UNC13C: variants seen among roughly 807,000 people sequenced by gnomAD.
UNC13C encodes the protein unc-13 homolog C, also known as protein unc-13 homolog C.
UNC13C carries 174 observed loss-of-function variants against 245.4 expected under a neutral mutation model. The observed-to-expected ratio is 0.71, with a 90% CI of 0.63 to 0.80. The LOEUF (loss-of-function observed/expected upper bound fraction) is 0.80, where lower values mean the gene tolerates loss of function less well. UNC13C is among the 30% of genes least tolerant of loss of function. UNC13C has a pLI of 0.00. For missense variants in UNC13C, 2,829 were observed against 2,602.9 expected (o/e 1.09, Z -1.89); for synonymous variants, 992 against 895.1 (o/e 1.11, Z -1.93).
intron 2 of UNC13C, among the ~76,000 whole-genome samples, chr15:54,118,963 A>G (rs2030473031): frequency 6.7e-6 from 1 of 150,314 alleles, no homozygotes; most frequent in South Asian, 2.1e-4. Flanking sequence ...AGTATCTTGA[A>G]CCATACTACT....
intron 10 of UNC13C, among the ~76,000 whole-genome samples, chr15:54,272,389 A>G (rs1421753057): frequency 2.0e-5 from 3 of 152,134 alleles, no homozygotes; most frequent in Admixed American, 6.5e-5. Context: ...AGCACAGCAG[A>G]CTAATATTTT....
At chr15:54,281,360 A>T (rs1281409304) in intron 10 of UNC13C, among the ~76,000 whole-genome samples, 1 of 152,218 alleles carries the variant, frequency 6.6e-6, no homozygotes, top group African/African-American at 2.4e-5. Context: ...TATTATCAAG[A>T]CACAAATGCT....
At chr15:54,598,632 A>G (rs1340945971) in intron 30 of UNC13C, among the ~76,000 whole-genome samples, 1 of 150,658 alleles carries the variant, frequency 6.6e-6, no homozygotes, top group African/African-American at 2.4e-5. Flanking sequence ...CAAGCACTGT[A>G]AAGTTTAAGT....
At chr15:54,338,971 A>C (rs1401549879) in intron 17 of UNC13C, among the ~76,000 whole-genome samples, 1 of 152,178 alleles carries the variant, frequency 6.6e-6, no homozygotes, top group Non-Finnish European at 1.5e-5. Context: ...GGTTCAAGCG[A>C]TTCTCCTGCC....
chr15:54,154,607 GT>G (rs1365429784), intron 4 of UNC13C, among the ~76,000 whole-genome samples: 1 of 152,050 alleles, frequency 6.6e-6, no homozygotes, highest in Admixed American at 6.6e-5. Flanking sequence ...CAACATTTCC[GT>G]TTTTTCCCCT....
intron 13 of UNC13C, among the ~76,000 whole-genome samples, chr15:54,308,232 G>A (rs1347783299): frequency 6.6e-6 from 1 of 151,818 alleles, no homozygotes; most frequent in African/African-American, 2.4e-5. Context: ...TTCAACAATA[G>A]CAAGTGACAT....
At chr15:54,185,396 G>T (rs557492087) in intron 4 of UNC13C, among the ~76,000 whole-genome samples, 78 of 151,058 alleles carry the variant, frequency 5.2e-4, no homozygotes, top group African/African-American at 1.9e-3. Context: ...GGGTTTTTAT[G>T]GTTTTAGGTC....
chr15:54,470,464 A>G (rs919866070), intron 19 of UNC13C, among the ~76,000 whole-genome samples: 1 of 151,446 alleles, frequency 6.6e-6, no homozygotes, highest in African/African-American at 2.4e-5. Context: ...TTTGTGATTC[A>G]GTCTTGGTAG....
At chr15:54,404,148 C>A (rs1255451923) in intron 18 of UNC13C, among the ~76,000 whole-genome samples, 1 of 152,142 alleles carries the variant, frequency 6.6e-6, no homozygotes, top group Admixed American at 6.6e-5. Context: ...CTAGCTATGA[C>A]AAAGAAATTT....
chr15:54,344,373 A>C (rs1351415174), intron 17 of UNC13C, among the ~76,000 whole-genome samples: 2 of 152,220 alleles, frequency 1.3e-5, no homozygotes, highest in African/African-American at 2.4e-5. Context: ...GTCACATCAA[A>C]ATAATCTAAT....
chr15:53,944,907 T>C, the UNC13C span, among the ~76,000 whole-genome samples: 1 of 152,186 alleles, frequency 6.6e-6, no homozygotes, highest in Non-Finnish European at 1.5e-5. Flanking sequence ...CTCCTTTCTC[T>C]GCAACTTTAC....
At chr15:54,129,829 A>G (rs2031294755) in intron 2 of UNC13C, among the ~76,000 whole-genome samples, 3 of 151,060 alleles carry the variant, frequency 2.0e-5, no homozygotes, top group Non-Finnish European at 3.0e-5. Context: ...TTCCATTACA[A>G]CTTTAAAAAA....
chr15:53,874,234 GAATTTAC>G, the UNC13C span, among the ~76,000 whole-genome samples: 1 of 152,048 alleles, frequency 6.6e-6, no homozygotes, highest in Non-Finnish European at 1.5e-5. Context: ...ATTTTACAGG[GAATTTAC>G]TCTGCTCCAG....
rs758875435 is a variant in UNC13C, at chr15:54,627,058, C to T, written c.6590C>T (p.Ala2197Val). 1.2e-6 allele frequency: 2 copies of T among 1,612,976 alleles called. No individual in the cohort carries two copies. Among genetic ancestry groups the T allele is most frequent in the South Asian group, 2.2e-5 (2 of 91,022 alleles). Residue 2197 changes from alanine to valine, a missense_variant, in exon 33 of 33, where the codon GCT becomes GTT. Coordinates refer to ENST00000260323, the MANE Select transcript of UNC13C (RefSeq NM_001080534.3). ...TCTCAGAGGACCAGTGATGATGTGG[C>T]TAAAGAATTTGTAAGACTTAAATCT... The part of the protein sequence containing the change: ...ILSQRTSDDV[A>V]KEFVRLKSET...
chr15:54,564,740 C>G (rs557810547), intron 29 of UNC13C, among the ~76,000 whole-genome samples: 83 of 152,068 alleles, frequency 5.5e-4, no homozygotes, highest in African/African-American at 1.5e-3. Flanking sequence ...TAAACGATCA[C>G]ACAGATCTCT....
chr15:53,929,604 T>C, the UNC13C span, among the ~76,000 whole-genome samples: 2 of 152,360 alleles, frequency 1.3e-5, no homozygotes, highest in African/African-American at 4.8e-5. Flanking sequence ...ACATTTAATT[T>C]GGGCCTTGCT....
At chr15:54,358,292 G>A (rs2039144574) in intron 17 of UNC13C, among the ~76,000 whole-genome samples, 1 of 151,944 alleles carries the variant, frequency 6.6e-6, no homozygotes, top group Non-Finnish European at 1.5e-5. Flanking sequence ...AAATTGCTTT[G>A]GATATTTGGG....
chr15:54,255,342 G>T (rs922614793), intron 8 of UNC13C, among the ~76,000 whole-genome samples: 1 of 152,150 alleles, frequency 6.6e-6, no homozygotes, highest in African/African-American at 2.4e-5. Flanking sequence ...GCAGATGGGG[G>T]AGCCAGAGGA....
intron 29 of UNC13C, among the ~76,000 whole-genome samples, chr15:54,557,912 C>T (rs917943140): frequency 6.6e-6 from 1 of 152,010 alleles, no homozygotes; most frequent in Non-Finnish European, 1.5e-5. Context: ...CCATGGAATA[C>T]TATGCAGCCA....
Sources: gnomAD v4.1 joint callset for allele counts (sites outside exome capture counted in the v4.1 genomes callset) on GRCh38, gnomAD v4.1.1 for gene constraint, MANE v1.5 for transcripts, NCBI Gene and HGNC (gene_info 2026-07-23, HGNC 2026-07-21) for gene names.